The following ARL15 variants were observed in gnomAD, a reference collection of about 807,000 sequenced individuals.
ARL15 encodes the protein ADP-ribosylation factor-like protein 15.
ARL15 carries 19 observed loss-of-function variants against 25.2 expected under a neutral mutation model. The observed-to-expected ratio is 0.75, with a 90% CI of 0.53 to 1.10. The LOEUF (loss-of-function observed/expected upper bound fraction) is 1.10, where lower values mean the gene tolerates loss of function less well. Among genes scored for constraint, ARL15 ranks in the 50% least tolerant of loss-of-function variants. The probability of loss-of-function intolerance (pLI) is 0.00; values close to 1 mark genes in which losing one functional copy is unlikely to be tolerated. For missense variants in ARL15, 220 were observed against 246.0 expected, an observed-to-expected ratio of 0.89 and a Z score of 0.71; for synonymous variants, 94 against 86.8, an observed-to-expected ratio of 1.08 and a Z score of -0.46.
chr5:54,226,085 CG>C (rs1239903427), intron 1 of ARL15, among the ~76,000 whole-genome samples: 2 of 151,868 alleles, frequency 1.3e-5, no homozygotes, highest in Admixed American at 6.6e-5. Flanking sequence ...GATATAGACA[CG>C]GGGGGAGTGG....
At chr5:53,979,863 G>A (rs987723754) in intron 4 of ARL15, among the ~76,000 whole-genome samples, 1 of 93,224 alleles carries the variant, frequency 1.1e-5, no homozygotes, top group Non-Finnish European at 2.5e-5. Flanking sequence ...GTGTGTGTGT[G>A]TGTGTGTGTG....
At chr5:54,188,888 C>A (rs1416022127) in intron 1 of ARL15, among the ~76,000 whole-genome samples, 1 of 152,096 alleles carries the variant, frequency 6.6e-6, no homozygotes, top group African/African-American at 2.4e-5. Flanking sequence ...TCTTACAAAT[C>A]ACAAACTTCT....
chr5:53,936,598 G>T (rs943062869), intron 4 of ARL15, among the ~76,000 whole-genome samples: 3 of 152,150 alleles, frequency 2.0e-5, no homozygotes, highest in African/African-American at 7.2e-5. Flanking sequence ...AAACTTCCAA[G>T]ATTATTGTGG....
chr5:54,307,589 G>A (rs1178808757), intron 1 of ARL15, among the ~76,000 whole-genome samples: 1 of 152,092 alleles, frequency 6.6e-6, no homozygotes, highest in East Asian at 1.9e-4. Flanking sequence ...AATCAACAGC[G>A]ACCCGAAGAT....
At chr5:53,971,174 C>T (rs901417103) in intron 4 of ARL15, among the ~76,000 whole-genome samples, 3 of 152,012 alleles carry the variant, frequency 2.0e-5, no homozygotes, top group Non-Finnish European at 2.9e-5. Flanking sequence ...ACTATTGGCT[C>T]GATTTTTAAA....
intron 1 of ARL15, among the ~76,000 whole-genome samples, chr5:54,201,345 A>C (rs1439415162): frequency 1.3e-5 from 2 of 152,150 alleles, no homozygotes; most frequent in African/African-American, 4.8e-5. Context: ...TTGTGTTTTC[A>C]GAGTCTGAGA....
chr5:54,162,948 T>A (rs924590263), intron 2 of ARL15, among the ~76,000 whole-genome samples: 3 of 152,186 alleles, frequency 2.0e-5, no homozygotes, highest in Admixed American at 6.5e-5. Flanking sequence ...TGAATAGATG[T>A]GGTGAGAACA....
chr5:54,078,552 G>A (rs1304128158), intron 4 of ARL15, among the ~76,000 whole-genome samples: 2 of 152,108 alleles, frequency 1.3e-5, no homozygotes, highest in East Asian at 3.8e-4. Context: ...AAAAGCATTG[G>A]CCCATGGCAA....
At chr5:54,160,881 T>C (rs951685891) in intron 2 of ARL15, among the ~76,000 whole-genome samples, 7 of 152,192 alleles carry the variant, frequency 4.6e-5, no homozygotes, top group African/African-American at 1.4e-4. Context: ...TTTTCGAATG[T>C]TCAAAACTCT....
intron 3 of ARL15, among the ~76,000 whole-genome samples, chr5:54,140,789 A>G (rs1753754560): frequency 6.6e-6 from 1 of 152,220 alleles, no homozygotes; most frequent in Non-Finnish European, 1.5e-5. Context: ...ATAGAAGATC[A>G]GCTGAAGATG....
intron 4 of ARL15, among the ~76,000 whole-genome samples, chr5:54,047,472 C>T (rs1750558220): frequency 6.6e-6 from 1 of 152,136 alleles, no homozygotes; most frequent in South Asian, 2.1e-4. Context: ...TTATCTTAGC[C>T]ACAGCAGAAA....
At chr5:54,201,148 G>A (rs963771894) in intron 1 of ARL15, among the ~76,000 whole-genome samples, 3 of 151,946 alleles carry the variant, frequency 2.0e-5, no homozygotes, top group South Asian at 2.1e-4. Flanking sequence ...AGACCAGAGC[G>A]CAATATCTCC....
chr5:53,941,184 T>C (rs1746528939), intron 4 of ARL15, among the ~76,000 whole-genome samples: 1 of 152,186 alleles, frequency 6.6e-6, no homozygotes, highest in Non-Finnish European at 1.5e-5. Context: ...TTTACTTCTG[T>C]ATAAGCTTTT....
At chr5:53,972,383 A>G (rs1196734680) in intron 4 of ARL15, among the ~76,000 whole-genome samples, 2 of 152,172 alleles carry the variant, frequency 1.3e-5, no homozygotes, top group Non-Finnish European at 2.9e-5. Flanking sequence ...GTAGCACAGT[A>G]TATTATAGTA....
At chr5:54,193,622 C>A (rs529248530) in intron 1 of ARL15, among the ~76,000 whole-genome samples, 1 of 152,242 alleles carries the variant, frequency 6.6e-6, no homozygotes, top group South Asian at 2.1e-4. Context: ...CCCCTCCACC[C>A]CAGTCGATAG....
intron 1 of ARL15, among the ~76,000 whole-genome samples, chr5:54,250,575 C>T (rs755948021): frequency 2.0e-5 from 3 of 152,000 alleles, no homozygotes; most frequent in Non-Finnish European, 4.4e-5. Context: ...AAATGAAGGT[C>T]GCTAAGAGAC....
At chr5:53,992,583 TTAGGTTATA>T (rs1748537301) in intron 4 of ARL15, among the ~76,000 whole-genome samples, 1 of 152,238 alleles carries the variant, frequency 6.6e-6, no homozygotes, top group Non-Finnish European at 1.5e-5. Context: ...GTGATTCCAT[TTAGGTTATA>T]CTAGGAAAAA....
At chr5:54,309,893 G>A (rs559171379) in intron 1 of ARL15, among the ~76,000 whole-genome samples, 2 of 152,260 alleles carry the variant, frequency 1.3e-5, no homozygotes, top group South Asian at 4.1e-4. Context: ...GCCAGCCTGC[G>A]AGGTAGTTTA....
intron 4 of ARL15, among the ~76,000 whole-genome samples, chr5:54,031,228 A>G (rs547651398): frequency 6.6e-6 from 1 of 152,330 alleles, no homozygotes; most frequent in Non-Finnish European, 1.5e-5. Flanking sequence ...TATCTAGACA[A>G]AAATTAATAC....
Sources: gnomAD v4.1 joint callset for allele counts (sites outside exome capture counted in the v4.1 genomes callset) on GRCh38, gnomAD v4.1.1 for gene constraint, MANE v1.5 for transcripts, NCBI Gene and HGNC (gene_info 2026-07-23, HGNC 2026-07-21) for gene names.